Variants in SMIM7 observed in about 807,000 individuals in gnomAD.
The protein encoded by SMIM7 is UPF0608 protein C19orf42.
SMIM7 carries 12 observed loss-of-function variants against 13.3 expected under a neutral mutation model. The observed-to-expected ratio is 0.90, with a 90% CI of 0.58 to 1.46. SMIM7 has a LOEUF of 1.46. SMIM7 is among the 40% of genes most tolerant of loss of function. SMIM7 has a pLI of 0.00. For synonymous variants in SMIM7, 36 were observed against 35.8 expected (o/e 1.01, Z -0.02); for missense variants, 114 against 94.8 (o/e 1.20, Z -0.84).
At chr19:16,648,946 CA>C (rs1253542462) in intron 4 of SMIM7, among the ~76,000 whole-genome samples, 1 of 152,118 alleles carries the variant, frequency 6.6e-6, no homozygotes, top group Non-Finnish European at 1.5e-5. Context: ...GCCCAGGAGG[CA>C]AAAGTTGCAG....
At chr19:16,656,189 C>T (rs1482316811) in intron 3 of SMIM7, among the ~76,000 whole-genome samples, 7 of 152,018 alleles carry the variant, frequency 4.6e-5, no homozygotes, top group Non-Finnish European at 8.8e-5. Context: ...AGTTTGAGAT[C>T]AGCCTGGCTA....
downstream of SMIM7, among the ~76,000 whole-genome samples, chr19:16,643,565 A>G (rs1413234410): frequency 3.3e-5 from 5 of 152,002 alleles, no homozygotes; most frequent in African/African-American, 4.8e-5. Context: ...CCCAGCTAAT[A>G]TATGTATGTT....
intron 4 of SMIM7, among the ~76,000 whole-genome samples, chr19:16,633,281 AC>A (rs760468903): frequency 3.3e-5 from 5 of 151,664 alleles, no homozygotes; most frequent in African/African-American, 4.8e-5. Flanking sequence ...ACATGATGAA[AC>A]CCTGTCTCTA....
chr19:16,650,625 A>G (rs1369568978), intron 4 of SMIM7, among the ~76,000 whole-genome samples: 1 of 151,504 alleles, frequency 6.6e-6, no homozygotes, highest in Non-Finnish European at 1.5e-5. Flanking sequence ...CAGGAGAATC[A>G]CTTGAACCTG....
intron 1 of SMIM7, 33 bp from the exon 2 acceptor site, chr19:16,660,033 C>T: frequency 6.2e-7 from 1 of 1,614,076 alleles, no homozygotes; most frequent in Non-Finnish European, 8.5e-7. Flanking sequence ...ACTAGGGGCG[C>T]CCCCGCGTCC....
At position 16,646,882 on chromosome 19, in the gene SMIM7, G is replaced by A. The variant is rs1411975322; in HGVS notation, c.*364C>T. 9.7e-6 allele frequency: 3 copies of A among 309,960 alleles called. No homozygotes were observed. The highest frequency in any genetic ancestry group is 1.8e-5 in the Non-Finnish European group (3 of 162,604). 19.2% of individuals were successfully genotyped at this position (309,960 alleles called of 1,614,324 possible). On this transcript the variant is annotated 3_prime_UTR_variant, in exon 5 of 5. Transcript: ENST00000487416. ...TCAGACTCAGCAAGTAACACTGAAT[G>A]TCCAAAAATACGGCTGTGTTAAACT...
intron 2 of SMIM7, 194 bp from the exon 3 acceptor site, chr19:16,659,641 C>A: frequency 1.5e-6 from 1 of 677,656 alleles, no homozygotes; most frequent in Non-Finnish European, 2.5e-6. Context: ...TCAGCAGCCA[C>A]CGACCGTTTA....
intron 4 of SMIM7, among the ~76,000 whole-genome samples, chr19:16,650,003 G>C (rs1027229467): frequency 6.6e-6 from 1 of 152,094 alleles, no homozygotes; most frequent in Non-Finnish European, 1.5e-5. Flanking sequence ...ATGGGGACGC[G>C]GTTTCTTTCT....
chr19:16,644,802 A>G (rs930222194), downstream of SMIM7: 5 of 152,194 alleles, frequency 3.3e-5, no homozygotes, highest in Non-Finnish European at 5.9e-5. Context: ...AGTGGATGAG[A>G]AGACAGAAAA....
In SMIM7 at chr19:16,647,120, C is replaced by G. The variant is rs1457927129; in HGVS notation, c.*126G>C. On this transcript the variant is annotated 3_prime_UTR_variant, in exon 5 of 5. Coordinates refer to ENST00000487416, the MANE Select transcript of SMIM7 (RefSeq NM_024104.4). ...CCTCGGCGAACACTTTTCCACCCAC[C>G]ACGAGCTTGGACTTTCTGGGAAGGT... 2.3e-6 allele frequency: 3 copies of G among 1,276,804 alleles called. No homozygotes were observed. Among genetic ancestry groups the G allele is most frequent in the Non-Finnish European group, 3.4e-6 (3 of 886,470 alleles). The allele number at this position is 1,276,804 out of a possible 1,614,324, so 79.1% of individuals were successfully genotyped here. A position where few individuals can be genotyped will look rare whatever the true frequency, so the allele number is the denominator to read the frequency against.
At chr19:16,637,469 C>T (rs2086368243) in intron 4 of SMIM7, among the ~76,000 whole-genome samples, 1 of 152,120 alleles carries the variant, frequency 6.6e-6, no homozygotes, top group Non-Finnish European at 1.5e-5. Context: ...ATCGCCTCAC[C>T]TGGGTGACAA....
intron 4 of SMIM7, among the ~76,000 whole-genome samples, chr19:16,651,907 G>A (rs192162253): frequency 1.4e-5 from 2 of 146,904 alleles, no homozygotes; most frequent in African/African-American, 2.5e-5. Context: ...TTGCAAAGAC[G>A]AGAATGAGAG....
intron 4 of SMIM7, among the ~76,000 whole-genome samples, chr19:16,647,716 A>G (rs1350155678): frequency 6.6e-6 from 1 of 152,094 alleles, no homozygotes; most frequent in African/African-American, 2.4e-5. Context: ...TCAGCCTCCC[A>G]AAGTGCTGGG....
chr19:16,651,441 G>A (rs1031160037), intron 4 of SMIM7, among the ~76,000 whole-genome samples: 3 of 152,190 alleles, frequency 2.0e-5, no homozygotes, highest in African/African-American at 7.2e-5. Flanking sequence ...ACCCCAAATG[G>A]ACCAGAGTGA....
In SMIM7 at chr19:16,659,107, A is replaced by T. The variant is rs2086633524; in HGVS notation, c.121+288T>A. 2.0e-5 allele frequency: 9 copies of T among 461,440 alleles called. 1 individual carries two copies. The South Asian group carries it at 2.0e-4, about 10-fold the overall frequency. The allele number at this position is 461,440 out of a possible 1,614,324, so 28.6% of individuals were successfully genotyped here. A position where few individuals can be genotyped will look rare whatever the true frequency, so the allele number is the denominator to read the frequency against. On this transcript the variant is annotated intron_variant, in intron 3 of 4. Coordinates refer to ENST00000487416, the MANE Select transcript of SMIM7 (RefSeq NM_024104.4). ...AGACCGGCCTGGGCAACGTGGAGAA[A>T]CCCCATCTCTACAAAAAATACAAAA...
chr19:16,633,729 C>T (rs2086338631), intron 4 of SMIM7: 2 of 151,956 alleles, frequency 1.3e-5, no homozygotes, highest in South Asian at 4.1e-4. Context: ...TCTCTTACAA[C>T]AAAAATAAAG....
chr19:16,636,546 T>C (rs1275489885), intron 4 of SMIM7: 1 of 152,376 alleles, frequency 6.6e-6, no homozygotes, highest in East Asian at 1.9e-4. Flanking sequence ...AGTTTTTGTA[T>C]TTTTAGTAGA....
At chr19:16,639,213 C>A (rs1055044608) in intron 4 of SMIM7, among the ~76,000 whole-genome samples, 3 of 151,760 alleles carry the variant, frequency 2.0e-5, no homozygotes, top group Non-Finnish European at 2.9e-5. Context: ...GCTCCGCCCC[C>A]CCAGGTTCAC....
At chr19:16,648,624 A>C (rs2086479826) in intron 4 of SMIM7, among the ~76,000 whole-genome samples, 2 of 152,216 alleles carry the variant, frequency 1.3e-5, no homozygotes, top group African/African-American at 4.8e-5. Flanking sequence ...AATCTTAAGA[A>C]GACATTTCCT....
Sources: gnomAD v4.1 joint callset for allele counts (sites outside exome capture counted in the v4.1 genomes callset) on GRCh38, gnomAD v4.1.1 for gene constraint, MANE v1.5 for transcripts, NCBI Gene and HGNC (gene_info 2026-07-23, HGNC 2026-07-21) for gene names.